The following ADCK1 variants were observed in gnomAD, a reference collection of about 807,000 sequenced individuals.
ADCK1 encodes aarF domain containing kinase 1, also known as aarF domain-containing protein kinase 1.
A neutral mutation model predicts 52.3 loss-of-function variants in ADCK1; 41 were observed. The observed-to-expected ratio is 0.78, with a 90% confidence interval of 0.61 to 1.02. The LOEUF is 1.02. Among genes scored for constraint, ADCK1 ranks in the 50% least tolerant of loss-of-function variants. The pLI is 0.00. For missense variants in ADCK1, 658 were observed against 679.5 expected, an observed-to-expected ratio of 0.97 and a Z score of 0.35; for synonymous variants, 250 against 274.6, an observed-to-expected ratio of 0.91 and a Z score of 0.89.
chr14:77,915,862 T>C (rs1002277383), intron 7 of ADCK1, among the ~76,000 whole-genome samples: 5 of 152,212 alleles, frequency 3.3e-5, no homozygotes, highest in Non-Finnish European at 5.9e-5. Context: ...CTCACCCTTT[T>C]GAAGCCCCAG....
At chr14:77,815,932 T>C (rs2081441111) in intron 1 of ADCK1, among the ~76,000 whole-genome samples, 1 of 150,694 alleles carries the variant, frequency 6.6e-6, no homozygotes, top group South Asian at 2.1e-4. Context: ...TCTCATGTCT[T>C]AGCCTCCCAA....
intron 7 of ADCK1, among the ~76,000 whole-genome samples, chr14:77,909,575 G>A (rs961080588): frequency 1.3e-5 from 2 of 152,174 alleles, no homozygotes; most frequent in African/African-American, 4.8e-5. Flanking sequence ...GGGGTGGCAG[G>A]GGAGTGTGGT....
At chr14:77,824,526 C>A (rs1019612594) in intron 3 of ADCK1, among the ~76,000 whole-genome samples, 1 of 151,006 alleles carries the variant, frequency 6.6e-6, no homozygotes, top group East Asian at 1.9e-4. Context: ...CTCCATCTCC[C>A]GGGTTCAAGC....
intron 1 of ADCK1, among the ~76,000 whole-genome samples, chr14:77,806,190 T>C (rs1439121511): frequency 6.6e-6 from 1 of 151,572 alleles, no homozygotes; most frequent in Non-Finnish European, 1.5e-5. Flanking sequence ...CCTCCCAAAG[T>C]GTTGGGATTA....
intron 4 of ADCK1, among the ~76,000 whole-genome samples, chr14:77,886,367 C>T (rs192859065): frequency 4.4e-4 from 67 of 152,206 alleles, no homozygotes; most frequent in African/African-American, 9.6e-4. Context: ...GGGGCTGCCC[C>T]GGGCCCACAT....
At chr14:77,826,888 C>G (rs1275519626) in intron 3 of ADCK1, among the ~76,000 whole-genome samples, 1 of 152,106 alleles carries the variant, frequency 6.6e-6, no homozygotes, top group Non-Finnish European at 1.5e-5. Flanking sequence ...TTCAGGAAAC[C>G]TGAGCACCAG....
chr14:77,885,486 T>A (rs1468119813), intron 4 of ADCK1, among the ~76,000 whole-genome samples: 1 of 151,910 alleles, frequency 6.6e-6, no homozygotes, highest in Non-Finnish European at 1.5e-5. Flanking sequence ...GGGGATGGAG[T>A]TTAGTGAAAG....
At chr14:77,824,436 C>CTTTTTTTTTT (rs755099441) in intron 3 of ADCK1, among the ~76,000 whole-genome samples, 1 of 133,962 alleles carries the variant, frequency 7.5e-6, no homozygotes, top group Non-Finnish European at 1.6e-5. Context: ...TTCTTTCTTT[C>CTTTTTTTTTT]TTTTTTTTTT....
chr14:77,835,743 C>T (rs75308673), intron 3 of ADCK1, among the ~76,000 whole-genome samples: 5,500 of 152,318 alleles, frequency 0.036, 143 homozygotes, highest in Non-Finnish European at 0.053. Flanking sequence ...TCAATTGATC[C>T]TCCCATCTTA....
intron 3 of ADCK1, among the ~76,000 whole-genome samples, chr14:77,833,644 C>T (rs964557523): frequency 6.6e-6 from 1 of 152,174 alleles, no homozygotes; most frequent in Non-Finnish European, 1.5e-5. Flanking sequence ...CGTTCTGATT[C>T]TGGAGGATTC....
intron 9 of ADCK1, among the ~76,000 whole-genome samples, chr14:77,930,935 G>A (rs940703656): frequency 4.6e-5 from 7 of 152,042 alleles, no homozygotes; most frequent in Admixed American, 4.6e-4. Flanking sequence ...TAAAGACCAG[G>A]TAGGTCAAGG....
chr14:77,900,724 C>T (rs1380701359), intron 6 of ADCK1: 1 of 390,084 alleles, frequency 2.6e-6, no homozygotes, highest in East Asian at 7.3e-5. Context: ...CTGGATGCAG[C>T]TTTCTGCATT....
At chr14:77,852,244 G>A (rs1235409546) in intron 3 of ADCK1, among the ~76,000 whole-genome samples, 1 of 152,022 alleles carries the variant, frequency 6.6e-6, no homozygotes, top group African/African-American at 2.4e-5. Flanking sequence ...TGATCCACCT[G>A]CCTTGGCCTC....
intron 4 of ADCK1, among the ~76,000 whole-genome samples, chr14:77,864,635 A>ATGTGTGTG (rs3082711): frequency 8.2e-4 from 123 of 150,492 alleles, no homozygotes; most frequent in Non-Finnish European, 1.2e-3. Context: ...TAGGATATGA[A>ATGTGTGTG]TGTGTGTGTG....
At chr14:77,829,461 T>A (rs1410182515) in intron 3 of ADCK1, among the ~76,000 whole-genome samples, 1 of 151,036 alleles carries the variant, frequency 6.6e-6, no homozygotes, top group Non-Finnish European at 1.5e-5. Context: ...CAGGGCTAAT[T>A]TTTTAAAGTA....
chr14:77,929,560 C>T (rs1045494282), intron 9 of ADCK1, among the ~76,000 whole-genome samples: 3 of 152,224 alleles, frequency 2.0e-5, no homozygotes, highest in Non-Finnish European at 4.4e-5. Context: ...TGGCAAGGGG[C>T]TGAGAGCTCA....
chr14:77,891,584 T>C (rs1409046325), intron 5 of ADCK1, among the ~76,000 whole-genome samples: 1 of 152,194 alleles, frequency 6.6e-6, no homozygotes, highest in Admixed American at 6.5e-5. Flanking sequence ...TCACATGCTT[T>C]TCTTGGGAAG....
intron 4 of ADCK1, among the ~76,000 whole-genome samples, chr14:77,867,884 G>T (rs1028252741): frequency 6.6e-6 from 1 of 152,204 alleles, no homozygotes; most frequent in Non-Finnish European, 1.5e-5. Context: ...CATGAATAGG[G>T]CTGTGGTGAG....
intron 9 of ADCK1, among the ~76,000 whole-genome samples, chr14:77,929,312 C>G (rs2084268679): frequency 6.6e-6 from 1 of 152,240 alleles, no homozygotes; most frequent in Non-Finnish European, 1.5e-5. Flanking sequence ...TCAACAAATT[C>G]AGGTCCCTGG....
Sources: gnomAD v4.1 joint callset for allele counts (sites outside exome capture counted in the v4.1 genomes callset) on GRCh38, gnomAD v4.1.1 for gene constraint, MANE v1.5 for transcripts, NCBI Gene and HGNC (gene_info 2026-07-23, HGNC 2026-07-21) for gene names.